The following COL15A1 variants were observed in gnomAD, a reference collection of about 807,000 sequenced individuals.
COL15A1 encodes the protein collagen alpha-1(XV) chain.
COL15A1 carries 111 observed loss-of-function variants against 165.9 expected under a neutral mutation model. The observed-to-expected ratio is 0.67, with a 90% CI of 0.57 to 0.78. The LOEUF (loss-of-function observed/expected upper bound fraction) is 0.78, where lower values mean the gene tolerates loss of function less well. COL15A1 is among the 30% of genes least tolerant of loss of function. The probability of loss-of-function intolerance (pLI) is 0.00; values close to 1 mark genes in which losing one functional copy is unlikely to be tolerated. For missense variants in COL15A1, 1,745 were observed against 1,789.7 expected (o/e 0.98, Z 0.45); for synonymous variants, 659 against 674.8 (o/e 0.98, Z 0.36).
chr9:98,949,634 T>C (rs531045076), intron 2 of COL15A1, among the ~76,000 whole-genome samples: 26 of 152,362 alleles, frequency 1.7e-4, no homozygotes, highest in African/African-American at 5.0e-4. Flanking sequence ...ATTAATTACC[T>C]TTTCATATGT....
Position 99,034,590 on chromosome 9 carries a change from A to C in COL15A1, c.2079+6A>C. ...ATGGCTCAGTTGGTGAAAAGGTAAAAAAAAAAAAAAAAAAAAAAAAAAAAG... is the reference window on the plus strand; with the variant it reads ...ATGGCTCAGTTGGTGAAAAGGTAAACAAAAAAAAAAAAAAAAAAAAAAAAG... On this transcript the variant is annotated splice_donor_region_variant and intron_variant, in intron 17 of 41. Transcript: ENST00000375001. 1 of 790,864 alleles carries C rather than the reference A, an allele frequency of 1.3e-6. No individual in the cohort carries two copies. The highest frequency in any genetic ancestry group is 1.6e-6 in the Non-Finnish European group (1 of 624,918). The allele number at this position is 790,864 out of a possible 1,614,324, so 49.0% of individuals were successfully genotyped here. A position where few individuals can be genotyped will look rare whatever the true frequency, so the allele number is the denominator to read the frequency against.
At chr9:99,008,330 G>C (rs942059703) in intron 9 of COL15A1, among the ~76,000 whole-genome samples, 1 of 152,194 alleles carries the variant, frequency 6.6e-6, no homozygotes, top group Non-Finnish European at 1.5e-5. Context: ...CAGAGATTGT[G>C]TAGACAAGGT....
intron 8 of COL15A1, 127 bp downstream of exon 8, chr9:99,003,714 T>G (rs1342702843): frequency 1.9e-6 from 2 of 1,062,264 alleles, no homozygotes; most frequent in South Asian, 2.3e-5. Flanking sequence ...GGGGGCAGTC[T>G]GTCGGAGTAA....
At chr9:99,057,117 G>A (rs1825733255) in intron 35 of COL15A1, among the ~76,000 whole-genome samples, 1 of 152,222 alleles carries the variant, frequency 6.6e-6, no homozygotes, top group Admixed American at 6.5e-5. Flanking sequence ...TTGAGGAACT[G>A]CCAGACTGTT....
chr9:98,960,706 A>C (rs1837851323), intron 2 of COL15A1, among the ~76,000 whole-genome samples: 1 of 152,204 alleles, frequency 6.6e-6, no homozygotes, highest in Non-Finnish European at 1.5e-5. Flanking sequence ...CCTCATCTGT[A>C]GAGTGAGGAA....
chr9:99,068,725 T>A (rs146295191), intron 41 of COL15A1, 55 bp downstream of exon 41: 2 of 1,040,554 alleles, frequency 1.9e-6, no homozygotes, highest in Non-Finnish European at 2.8e-6. Context: ...TTAGGGGGCA[T>A]CCTAACAATG....
At chr9:99,024,277 G>GTTTTTTTTTTTTTTTT (rs773196929) in intron 14 of COL15A1, among the ~76,000 whole-genome samples, 3 of 108,628 alleles carry the variant, frequency 2.8e-5, no homozygotes, top group African/African-American at 7.4e-5. Flanking sequence ...AGTTTTTTTT[G>GTTTTTTTTTTTTTTTT]TTTTTTTGTT....
intron 36 of COL15A1, among the ~76,000 whole-genome samples, chr9:99,060,285 G>A (rs566412273): frequency 3.7e-4 from 54 of 145,340 alleles, no homozygotes; most frequent in African/African-American, 1.2e-3. Flanking sequence ...AGGGGTGGAC[G>A]GGGTCTCACT....
chr9:98,950,547 TTCC>T (rs1837666516), intron 2 of COL15A1, among the ~76,000 whole-genome samples: 1 of 70,368 alleles, frequency 1.4e-5, no homozygotes, highest in African/African-American at 8.6e-5. Flanking sequence ...TTCCCTTCCC[TTCC>T]CCTTCCTTCC....
intron 35 of COL15A1, among the ~76,000 whole-genome samples, chr9:99,057,557 A>G (rs184497618): frequency 6.6e-6 from 1 of 152,284 alleles, no homozygotes; most frequent in East Asian, 1.9e-4. Context: ...AAACCTCACA[A>G]CAACACTTTA....
chr9:99,005,347 A>G (rs1221453216), intron 9 of COL15A1, among the ~76,000 whole-genome samples: 1 of 151,828 alleles, frequency 6.6e-6, no homozygotes, highest in Non-Finnish European at 1.5e-5. Flanking sequence ...AGAATGGAGG[A>G]GTGGCGGGCT....
At chr9:98,983,583 C>G (rs367814654) in intron 2 of COL15A1, among the ~76,000 whole-genome samples, 1 of 152,146 alleles carries the variant, frequency 6.6e-6, no homozygotes, top group East Asian at 1.9e-4. Context: ...TGTTATTATT[C>G]TTTATAAGGG....
intron 2 of COL15A1, among the ~76,000 whole-genome samples, chr9:98,965,317 A>G (rs1276270242): frequency 6.6e-6 from 1 of 152,206 alleles, no homozygotes; most frequent in Admixed American, 6.5e-5. Context: ...TCCTAAAGGA[A>G]AAAGAATTGA....
chr9:99,065,191 A>G (rs941216148), intron 39 of COL15A1, among the ~76,000 whole-genome samples: 4 of 152,192 alleles, frequency 2.6e-5, no homozygotes, highest in African/African-American at 9.7e-5. Context: ...GTGTCTCTCT[A>G]AAGGACAGTA....
chr9:99,024,271 TTTTTTGTTTTTTTG>T (rs1350700720), intron 14 of COL15A1, among the ~76,000 whole-genome samples: 23 of 140,156 alleles, frequency 1.6e-4, no homozygotes, highest in South Asian at 1.4e-3. Flanking sequence ...ACAAGCAGTT[TTTTTTGTTTTTTTG>T]TTTTTTTTTT....
intron 21 of COL15A1, among the ~76,000 whole-genome samples, chr9:99,037,888 C>T (rs186757167): frequency 2.6e-5 from 4 of 152,054 alleles, no homozygotes; most frequent in Non-Finnish European, 4.4e-5. Flanking sequence ...TGCTCCAGGT[C>T]GAGGGAGCTG....
At position 99,056,329 on chromosome 9, in the gene COL15A1, G is replaced by A; in HGVS notation, c.3262G>A (p.Gly1088Ser). 2 of 1,613,984 alleles carry A rather than the reference G, an allele frequency of 1.2e-6. No individual in the cohort carries two copies. The highest frequency in any genetic ancestry group is 1.7e-6 in the Non-Finnish European group (2 of 1,180,036). ...TGCTCCTGGTCTGCCTGGGCCACCT[G>A]GCTTTGGAAGACCTGGTGATCCTGG... ...PGAPGLPGPP[G>S]FGRPGDPGPP... The change falls in exon 35 of 42, where the codon GGC becomes AGC. Residue 1088 changes from glycine to serine, a missense_variant. By Grantham distance (56) the Gly-to-Ser change is moderately conservative. Coordinates refer to ENST00000375001, the MANE Select transcript of COL15A1 (RefSeq NM_001855.5).
At chr9:99,034,765 G>A (rs575427119) in intron 17 of COL15A1, among the ~76,000 whole-genome samples, 181 bp downstream of exon 17, 5 of 152,194 alleles carry the variant, frequency 3.3e-5, no homozygotes, top group Non-Finnish European at 7.4e-5. Flanking sequence ...ATGGTGGGGA[G>A]TAAACACACT....
At chr9:99,048,261 C>T (rs978865071) in intron 28 of COL15A1, among the ~76,000 whole-genome samples, 1 of 152,162 alleles carries the variant, frequency 6.6e-6, no homozygotes, top group Non-Finnish European at 1.5e-5. Flanking sequence ...TCTGGTCATG[C>T]TCAGAAAATG....
Sources: gnomAD v4.1 joint callset for allele counts (sites outside exome capture counted in the v4.1 genomes callset) on GRCh38, gnomAD v4.1.1 for gene constraint, MANE v1.5 for transcripts, NCBI Gene and HGNC (gene_info 2026-07-23, HGNC 2026-07-21) for gene names.